The following UGT3A1 variants were observed in gnomAD, a reference collection of about 807,000 sequenced individuals.
The protein encoded by UGT3A1 is UDP glycosyltransferase family 3 member A1.
UGT3A1 carries 40 observed loss-of-function variants against 37.6 expected under a neutral mutation model. The observed-to-expected ratio is 1.06, with a 90% CI of 0.83 to 1.38. UGT3A1 has a LOEUF of 1.38. Ranked by LOEUF, UGT3A1 falls within the 40% of genes most tolerant of loss-of-function variation. The probability of loss-of-function intolerance (pLI) is 0.00; values close to 1 mark genes in which losing one functional copy is unlikely to be tolerated. For synonymous variants in UGT3A1, 256 were observed against 232.3 expected (o/e 1.10, Z -0.93); for missense variants, 642 against 634.2 (o/e 1.01, Z -0.13).
intron 2 of UGT3A1, among the ~76,000 whole-genome samples, chr5:35,975,749 G>A (rs1580942954): frequency 1.3e-5 from 2 of 151,862 alleles, no homozygotes; most frequent in South Asian, 2.1e-4. Context: ...CAACGTGCAG[G>A]TTTGTTGCAT....
At chr5:35,959,824 A>G (rs75769137) in intron 4 of UGT3A1, among the ~76,000 whole-genome samples, 10,429 of 152,188 alleles carry the variant, frequency 0.069, 1,124 homozygotes, top group African/African-American at 0.23. Flanking sequence ...AAGATTAAAA[A>G]TCTATTAGAA....
intron 2 of UGT3A1, among the ~76,000 whole-genome samples, chr5:35,978,773 G>T (rs1402497069): frequency 6.6e-6 from 1 of 152,040 alleles, no homozygotes; most frequent in Non-Finnish European, 1.5e-5. Flanking sequence ...ACTCATTTCA[G>T]CATTAACTCA....
rs936586574 is a variant in UGT3A1, at chr5:35,954,364, G to T, written c.1410C>A (p.His470Gln). ...GCTGCTGGAAGGCATAGGGCTTGAGGTGCGTCGCTCCCCCAGTCTGGAGGA... is the reference window on the plus strand; with the variant it reads ...GCTGCTGGAAGGCATAGGGCTTGAGTTGCGTCGCTCCCCCAGTCTGGAGGA... ...DHILQTGGAT[H>Q]LKPYAFQQPW... The change falls in exon 7 of 7, where the codon CAC becomes CAA. Residue 470 changes from histidine (H) to glutamine (Q), a missense_variant. Transcript: ENST00000274278. The T allele has an allele frequency of 2.2e-5, 36 of 1,614,226 alleles. No homozygotes were observed. The highest frequency in any genetic ancestry group is 3.0e-5 in the Non-Finnish European group (35 of 1,180,030).
At chr5:35,966,153 C>T (rs1739801403) in intron 3 of UGT3A1, among the ~76,000 whole-genome samples, 1 of 152,166 alleles carries the variant, frequency 6.6e-6, no homozygotes, top group African/African-American at 2.4e-5. Flanking sequence ...GATCCAATTC[C>T]CACCACCATC....
At position 35,996,999 on chromosome 5, in the gene UGT3A1, A is replaced by T. The variant is rs183692186; in HGVS notation, c.-69+240T>A. On this transcript the variant is annotated intron_variant, in intron 2 of 5. Transcript: ENST00000625798. ...AAAAACCCAAAGAAACCCCTACTCA[A>T]TCTTAATATCCTCTATGACAGGGAG... Among the ~76,000 whole-genome samples, 874 of 152,312 alleles carry T rather than the reference A, an allele frequency of 5.7e-3. 25 individuals are homozygous for T. In the East Asian group the frequency reaches 0.065, roughly 11 times the overall value.
At chr5:35,990,043 G>T (rs148839174) in intron 1 of UGT3A1, among the ~76,000 whole-genome samples, 1,728 of 150,934 alleles carry the variant, frequency 0.011, 29 homozygotes, top group African/African-American at 0.041. Context: ...AGTGAGTTGA[G>T]ATGGCGCCAC....
At chr5:35,980,358 T>A (rs1477748996) in intron 2 of UGT3A1, among the ~76,000 whole-genome samples, 1 of 152,204 alleles carries the variant, frequency 6.6e-6, no homozygotes, top group Admixed American at 6.5e-5. Flanking sequence ...ATAGAGCTCA[T>A]GGAGAAGGTA....
intron 4 of UGT3A1, among the ~76,000 whole-genome samples, chr5:35,964,244 G>A (rs1300658412): frequency 2.0e-5 from 3 of 151,946 alleles, no homozygotes; most frequent in African/African-American, 7.3e-5. Context: ...GCCCCAATGC[G>A]AAGACCTGAC....
chr5:35,994,835 A>G (rs552383344), upstream of UGT3A1, among the ~76,000 whole-genome samples: 6 of 152,350 alleles, frequency 3.9e-5, no homozygotes, highest in African/African-American at 1.4e-4. Context: ...AGGAACATAA[A>G]GTTCCCCCTT....
chr5:35,970,900 CCAGG>C (rs1192230820), intron 2 of UGT3A1, among the ~76,000 whole-genome samples: 1 of 152,138 alleles, frequency 6.6e-6, no homozygotes, highest in Non-Finnish European at 1.5e-5. Flanking sequence ...AGCCTTAATG[CCAGG>C]ATCCATCACA....
chr5:35,975,660 G>A (rs1231068455), intron 2 of UGT3A1, among the ~76,000 whole-genome samples: 1 of 141,154 alleles, frequency 7.1e-6, no homozygotes, highest in Non-Finnish European at 1.6e-5. Context: ...AAACAGTGAA[G>A]CATTTTTTTT....
chr5:35,995,791 C>A (rs116427550), upstream of UGT3A1, among the ~76,000 whole-genome samples: 2,526 of 152,100 alleles, frequency 0.017, 65 homozygotes, highest in African/African-American at 0.057. Context: ...CTGCCAGAAC[C>A]CAAATGAATC....
At chr5:35,994,331 G>C (rs113751950), upstream of UGT3A1, among the ~76,000 whole-genome samples, 1,019 of 130,436 alleles carry the variant, frequency 7.8e-3, 19 homozygotes, top group African/African-American at 0.031. Flanking sequence ...GTTTTGTTTT[G>C]TTTGTGTGTG....
At chr5:35,989,952 T>C (rs1740872215) in intron 1 of UGT3A1, among the ~76,000 whole-genome samples, 2 of 151,986 alleles carry the variant, frequency 1.3e-5, no homozygotes, top group Non-Finnish European at 1.5e-5. Flanking sequence ...CTGGGCGTGG[T>C]GGCGGGCGCC....
chr5:35,966,699 T>A (rs923401098), intron 3 of UGT3A1, among the ~76,000 whole-genome samples: 3 of 152,136 alleles, frequency 2.0e-5, no homozygotes, highest in African/African-American at 7.2e-5. Context: ...ATGAAATAGA[T>A]CCTGAGCAGT....
intron 5 of UGT3A1, 52 bp from the exon 6 acceptor site, chr5:35,955,916 A>C (rs1256939158): frequency 1.3e-6 from 2 of 1,583,808 alleles, no homozygotes; most frequent in South Asian, 1.1e-5. Flanking sequence ...AAATTTTGGA[A>C]TACCAGGTAA....
intron 2 of UGT3A1, among the ~76,000 whole-genome samples, chr5:35,996,968 G>C (rs1207207341): frequency 6.6e-6 from 1 of 152,064 alleles, no homozygotes; most frequent in Non-Finnish European, 1.5e-5. Flanking sequence ...TCCAATAAAG[G>C]TAGAGAAAAA....
chr5:35,976,139 C>T (rs926037938), intron 2 of UGT3A1, among the ~76,000 whole-genome samples: 3 of 152,082 alleles, frequency 2.0e-5, no homozygotes, highest in Non-Finnish European at 4.4e-5. Flanking sequence ...CCAAGAGACA[C>T]AAAAATAATT....
At chr5:35,977,461 C>T (rs1054731253) in intron 2 of UGT3A1, among the ~76,000 whole-genome samples, 19 of 152,154 alleles carry the variant, frequency 1.2e-4, no homozygotes, top group Admixed American at 1.1e-3. Context: ...GGATCAGATA[C>T]CTCATGGACA....
Sources: gnomAD v4.1 joint callset for allele counts (sites outside exome capture counted in the v4.1 genomes callset) on GRCh38, gnomAD v4.1.1 for gene constraint, MANE v1.5 for transcripts, NCBI Gene and HGNC (gene_info 2026-07-23, HGNC 2026-07-21) for gene names.